Variants in AFM observed in about 807,000 individuals in gnomAD.
AFM encodes the protein alpha-Alb.
In AFM, 82 loss-of-function variants were observed where a neutral mutation model predicts 68.7. The observed-to-expected ratio is 1.19, with a 90% CI of 1.00 to 1.43. AFM has a LOEUF of 1.43. Ranked by LOEUF, AFM falls within the 40% of genes most tolerant of loss-of-function variation. The pLI, the probability that AFM is intolerant of heterozygous loss-of-function variation, is 0.00. For synonymous variants in AFM, 250 were observed against 234.2 expected (o/e 1.07, Z -0.61); for missense variants, 772 against 701.8 (o/e 1.10, Z -1.13).
At position 73,503,104 on chromosome 4, in the gene AFM, A is replaced by G; in HGVS notation, c.*34A>G. The G allele has an allele frequency of 1.9e-6, 3 of 1,610,010 alleles. No individual in the cohort carries two copies. In the South Asian group the frequency reaches 3.3e-5, roughly 18 times the overall value. Reference sequence around the variant, plus strand: ...GCTGGAGATATGTAAAGAAAAAAGCACCAAAGGTAATACCCTCTGCCTCAT... The same window carrying G: ...GCTGGAGATATGTAAAGAAAAAAGCGCCAAAGGTAATACCCTCTGCCTCAT... On this transcript the variant is annotated 3_prime_UTR_variant, in exon 14 of 15. Transcript: ENST00000226355.
chr4:73,487,006 C>T lies in AFM; in HGVS notation c.522C>T (p.Phe174=), dbSNP rs76085510. The T allele has an allele frequency of 1.8e-3, 2,891 of 1,613,616 alleles. 53 individuals are homozygous for T. In the East Asian group the frequency reaches 0.047, roughly 26 times the overall value. ...YEVARRNPFV[F]APTLLTVAVH... is the part of the protein sequence containing the mutation. The stretch of plus-strand genomic sequence containing the variant: ...TTGCCAGAAGGAACCCATTTGTCTT[C>T]GCCCCTACACTTCTAACTGTTGCTG... The change falls in exon 5 of 15, where the codon TTC becomes TTT. Residue 174 remains phenylalanine, a synonymous_variant. Transcript: ENST00000226355.
Position 73,481,881 on chromosome 4 carries a change from A to G in AFM, c.88+18A>G, listed in dbSNP as rs765368945. The G allele has an allele frequency of 4.0e-6, 6 of 1,490,422 alleles. No homozygotes were observed. Among genetic ancestry groups the G allele is most frequent in the Admixed American group, 1.8e-5 (1 of 54,864 alleles). The allele number at this position is 1,490,422 out of a possible 1,614,324, so 92.3% of individuals were successfully genotyped here. On this transcript the variant is annotated intron_variant, in intron 1 of 14. Coordinates refer to ENST00000226355, the MANE Select transcript of AFM (RefSeq NM_001133.2). The stretch of plus-strand genomic sequence containing the variant: ...GGATATAGGTAAGAAATTTACTTGT[A>G]TATCAGCTAAAGCATGACCAGTTAG...
chr4:73,495,732 A>G (rs993930721), intron 9 of AFM, among the ~76,000 whole-genome samples: 1 of 152,214 alleles, frequency 6.6e-6, no homozygotes, highest in African/African-American at 2.4e-5. Context: ...TGGATATTAC[A>G]TGATTTCAAA....
chr4:73,498,763 C>A (rs1721330990), intron 10 of AFM, among the ~76,000 whole-genome samples: 1 of 152,082 alleles, frequency 6.6e-6, no homozygotes, highest in Admixed American at 6.6e-5. Context: ...TGATTAAATT[C>A]TTTCTTTAAA....
In AFM at chr4:73,503,086, A is replaced by G; in HGVS notation, c.*16A>G. The G allele has an allele frequency of 6.2e-7, 1 of 1,612,640 alleles. No individual in the cohort carries two copies. Among genetic ancestry groups the G allele is most frequent in the Non-Finnish European group, 8.5e-7 (1 of 1,178,984 alleles). On this transcript the variant is annotated 3_prime_UTR_variant, in exon 14 of 15. Coordinates refer to ENST00000226355, the MANE Select transcript of AFM (RefSeq NM_001133.2). ...TGGCAACTGAAGCCAGCTGCTGGAG[A>G]TATGTAAAGAAAAAAGCACCAAAGG...
In AFM at chr4:73,491,939, A is replaced by T; in HGVS notation, c.911A>T (p.Glu304Val). The T allele has an allele frequency of 6.2e-7, 1 of 1,614,106 alleles. No homozygotes were observed. Among genetic ancestry groups the T allele is most frequent in the East Asian group, 2.2e-5 (1 of 44,856 alleles). Residue 304 changes from glutamate (E) to valine (V), a missense_variant, in exon 8 of 15, where the codon GAA becomes GTA. Coordinates refer to ENST00000226355, the MANE Select transcript of AFM (RefSeq NM_001133.2). ...SISSKIKECC[E>V]KKIPERGQCI... is the part of the protein sequence containing the mutation. ...TCCAGCAAAATCAAAGAGTGCTGTG[A>T]AAAGAAAATACCAGAGCGCGGCCAG...
At chr4:73,503,227 T>C (rs755745707) in intron 14 of AFM, 117 bp downstream of exon 14, 3 of 785,532 alleles carry the variant, frequency 3.8e-6, no homozygotes, top group East Asian at 5.3e-5. Flanking sequence ...GAACAAGAAA[T>C]GCACATGTAG....
chr4:73,488,585 C>T lies in AFM; in HGVS notation c.714-45C>T, dbSNP rs775002700. 7.7e-6 allele frequency: 12 copies of T among 1,562,322 alleles called. No homozygotes were observed. The South Asian group carries it at 1.3e-4, about 17-fold the overall frequency. ...TAGCAAATTACTCCCACTTGTTCTACTTGCTGTTCAAATTATTTTTGTGGT... is the reference window on the plus strand; with the variant it reads ...TAGCAAATTACTCCCACTTGTTCTATTTGCTGTTCAAATTATTTTTGTGGT... On this transcript the variant is annotated intron_variant, in intron 6 of 14. Coordinates refer to ENST00000226355, the MANE Select transcript of AFM (RefSeq NM_001133.2).
intron 7 of AFM, among the ~76,000 whole-genome samples, chr4:73,489,998 T>A (rs1721026209): frequency 6.6e-6 from 1 of 152,024 alleles, no homozygotes; most frequent in African/African-American, 2.4e-5. Flanking sequence ...GAAAAAAAAT[T>A]GCTCATGCAT....
intron 8 of AFM, among the ~76,000 whole-genome samples, chr4:73,494,828 C>A (rs533418064): frequency 2.6e-5 from 4 of 152,176 alleles, no homozygotes; most frequent in Non-Finnish European, 2.9e-5. Context: ...TAAACACTCC[C>A]ATAGTTGGCA....
chr4:73,491,424 A>G lies in AFM; in HGVS notation c.844-448A>G, dbSNP rs534114353. ...TCACTCACTTGTCATTCTTTCATTC[A>G]TTTATCAAATATTTATTTTGATTTT... On this transcript the variant is annotated intron_variant, in intron 7 of 14. Transcript: ENST00000226355. Among the ~76,000 whole-genome samples, 16 of 152,280 alleles carry G rather than the reference A, an allele frequency of 1.1e-4. No individual in the cohort carries two copies. In the South Asian group the frequency reaches 3.3e-3, roughly 32 times the overall value.
chr4:73,487,152 G>T, intron 5 of AFM, 53 bp downstream of exon 5: 1 of 1,589,038 alleles, frequency 6.3e-7, no homozygotes, highest in Non-Finnish European at 8.6e-7. Context: ...CAATACCACA[G>T]ATCCAGACCC....
At chr4:73,497,116 C>A (rs1411082938) in intron 9 of AFM, among the ~76,000 whole-genome samples, 1 of 152,088 alleles carries the variant, frequency 6.6e-6, no homozygotes, top group Non-Finnish European at 1.5e-5. Flanking sequence ...CAGAAGATGT[C>A]CAATTTTATG....
intron 8 of AFM, among the ~76,000 whole-genome samples, chr4:73,493,484 C>G (rs1261445347): frequency 1.3e-5 from 2 of 152,122 alleles, no homozygotes; most frequent in Admixed American, 1.3e-4. Context: ...GAACCTGTAG[C>G]TCTGGAAGGG....
intron 11 of AFM, 75 bp downstream of exon 11, chr4:73,499,321 A>G (rs1036061190): frequency 1.6e-6 from 2 of 1,280,328 alleles, no homozygotes; most frequent in Non-Finnish European, 2.0e-6. Flanking sequence ...TCATTGATTT[A>G]CCGTGATTAT....
At chr4:73,491,334 A>C (rs1310903530) in intron 7 of AFM, among the ~76,000 whole-genome samples, 2 of 152,252 alleles carry the variant, frequency 1.3e-5, no homozygotes, top group Admixed American at 1.3e-4. Flanking sequence ...ATCCATTAGA[A>C]AATGATACCA....
In AFM at chr4:73,485,694, G is replaced by A. The variant is rs1720880483; in HGVS notation, c.271-168G>A. Among the ~76,000 whole-genome samples the A allele has an allele frequency of 1.4e-5, 2 of 145,094 alleles. 1 individual carries two copies. Among genetic ancestry groups the A allele is most frequent in the African/African-American group, 5.1e-5 (2 of 39,516 alleles). On this transcript the variant is annotated intron_variant, in intron 3 of 14. Transcript: ENST00000226355. ...GAGGAGGAGGTGGAAGAGAAGGAGG[G>A]GGGGAAGGGAAGGAGAAGGGGAAGG...
intron 7 of AFM, among the ~76,000 whole-genome samples, chr4:73,490,641 G>A (rs777397820): frequency 2.0e-5 from 3 of 151,998 alleles, no homozygotes; most frequent in Non-Finnish European, 4.4e-5. Context: ...CAGGATGTAT[G>A]TTTTATAATG....
chr4:73,500,492 A>G (rs913807562), intron 12 of AFM, among the ~76,000 whole-genome samples: 2 of 152,192 alleles, frequency 1.3e-5, no homozygotes, highest in Non-Finnish European at 2.9e-5. Context: ...AGCCAGCAAA[A>G]AGGCTCATAG....
Sources: allele counts gnomAD v4.1 joint callset (sites outside exome capture counted in the v4.1 genomes callset), GRCh38; gene constraint gnomAD v4.1.1; transcripts MANE v1.5; gene names NCBI Gene and HGNC (gene_info 2026-07-23, HGNC 2026-07-21).